The following TST variants were observed in gnomAD, a reference collection of about 807,000 sequenced individuals.
TST encodes epididymis secretory sperm binding protein.
TST carries 22 observed loss-of-function variants against 20.4 expected under a neutral mutation model. The ratio of observed to expected loss-of-function variants is 1.08; its 90% confidence interval spans 0.77 to 1.54. The LOEUF is 1.54. Ranked by LOEUF, TST falls within the 40% of genes most tolerant of loss-of-function variation. TST has a pLI of 0.00. For missense variants in TST, 392 were observed against 405.2 expected (o/e 0.97, Z 0.28); for synonymous variants, 187 against 173.8 (o/e 1.08, Z -0.60).
At position 37,018,132 on chromosome 22, in the gene TST, A is replaced by T. The variant is rs2145901265; in HGVS notation, c.595+6T>A. 7 of 1,536,944 alleles carry T rather than the reference A, an allele frequency of 4.6e-6. No homozygotes were observed. The East Asian group carries it at 1.6e-4, about 35-fold the overall frequency. The stretch of plus-strand genomic sequence containing the variant: ...CCCAGGGACCACCCAGCACTGGGAC[A>T]CCTACCTACTGCATCCGGCTCCGGC... On this transcript the variant is annotated splice_donor_region_variant and intron_variant, in intron 2 of 2. Transcript: ENST00000249042.
rs1416725781 is a variant in TST at position 37,018,142 on chromosome 22, T to A, written c.591A>T (p.Ala197=). The A allele has an allele frequency of 6.5e-7, 1 of 1,548,714 alleles. No individual in the cohort carries two copies. Among genetic ancestry groups the A allele is most frequent in the African/African-American group, 1.4e-5 (1 of 73,300 alleles). Residue 197 remains alanine, a synonymous_variant, in exon 2 of 3, where the codon GCA becomes GCT. Transcript: ENST00000249042. ...ACCCAGCACTGGGACACCTACCTAC[T>A]GCATCCGGCTCCGGCTCGGTGCCCA... The part of the protein sequence containing the change: ...RFLGTEPEPD[A]VGLDSGHIRG...
At chr22:37,018,959 C>T in intron 1 of TST, 1 of 448,352 alleles carries the variant, frequency 2.2e-6, no homozygotes, top group East Asian at 3.3e-5. Context: ...CCAGCCGGCC[C>T]GGGGGCCCAG....
At chr22:37,011,825 T>A (rs1922490123) in intron 2 of TST, among the ~76,000 whole-genome samples, 1 of 152,168 alleles carries the variant, frequency 6.6e-6, no homozygotes, top group Non-Finnish European at 1.5e-5. Context: ...GCTAAACAGA[T>A]AACCACATAA....
chr22:37,018,434 T>C lies in TST; in HGVS notation c.299A>G (p.Asp100Gly), dbSNP rs1332597939. ...ATAGAAGCTGCCCAGGTGTTCACCA[T>C]CATACACCACCACGTGCGTGTGGTT... is the stretch of plus-strand genomic sequence containing the variant. ...ISNHTHVVVY[D>G]GEHLGSFYAP... Residue 100 changes from aspartate (D) to glycine (G), a missense_variant, in exon 2 of 3, where the codon GAT becomes GGT. Coordinates refer to ENST00000249042, the MANE Select transcript of TST (RefSeq NM_003312.6). 2.5e-6 allele frequency: 4 copies of C among 1,613,098 alleles called. No homozygotes were observed. Among genetic ancestry groups the C allele is most frequent in the East Asian group, 4.5e-5 (2 of 44,876 alleles).
At chr22:37,018,009 A>G (rs527357031) in intron 2 of TST, 129 bp downstream of exon 2, 4 of 687,466 alleles carry the variant, frequency 5.8e-6, no homozygotes, top group Admixed American at 3.6e-5. Context: ...TTATCGATGG[A>G]AAGACTGAGG....
intron 1 of TST, chr22:37,019,162 C>G (rs1186895457): frequency 6.2e-6 from 1 of 161,438 alleles, no homozygotes; most frequent in Non-Finnish European, 1.3e-5. Context: ...GGTGGGCGCA[C>G]GGCTAGGAAG....
chr22:37,019,837 A>G, upstream of TST: 3 of 1,214,178 alleles, frequency 2.5e-6, no homozygotes, highest in Non-Finnish European at 3.1e-6. Context: ...CGCGGGGGCC[A>G]TGGCGGAGCC....
chr22:37,018,855 C>T (rs79677940), intron 1 of TST, 102 bp from the exon 2 acceptor site: 1 of 802,708 alleles, frequency 1.2e-6, no homozygotes, highest in Admixed American at 3.5e-5. Flanking sequence ...CCTCCGCACT[C>T]CCCCGGGTTC....
At chr22:37,014,148 G>A (rs112533903) in intron 2 of TST, among the ~76,000 whole-genome samples, 2,996 of 152,248 alleles carry the variant, frequency 0.02, 39 homozygotes, top group Non-Finnish European at 0.029. Flanking sequence ...GGATCACGAG[G>A]TCAGGAGATC....
intron 2 of TST, 97 bp downstream of exon 2, chr22:37,018,041 C>A (rs1922752934): frequency 1.1e-6 from 1 of 919,554 alleles, no homozygotes; most frequent in South Asian, 1.9e-5. Context: ...GGATTGAAGG[C>A]ATGGGACGGA....
upstream of TST, chr22:37,019,923 T>C: frequency 1.1e-6 from 1 of 945,120 alleles, no homozygotes. Context: ...AGGGAGTGGC[T>C]CTTTGGGGGT....
chr22:37,013,168 C>A (rs915252308), intron 2 of TST: 1 of 152,194 alleles, frequency 6.6e-6, no homozygotes, highest in Non-Finnish European at 1.5e-5. Flanking sequence ...CCAGCTATGT[C>A]CTGGTCCTTT....
At chr22:37,018,046 G>T in intron 2 of TST, 92 bp downstream of exon 2, 1 of 979,008 alleles carries the variant, frequency 1.0e-6, no homozygotes, top group Non-Finnish European at 1.5e-6. Flanking sequence ...GAAGGCATGG[G>T]ACGGACCCTG....
chr22:37,011,103 T>C lies in TST; in HGVS notation c.818A>G (p.Asp273Gly), dbSNP rs762670281. ...LCGKPDVAVYDGSWSEWFRRA... is the reference protein window; with the variant it reads ...LCGKPDVAVYGGSWSEWFRRA... ...GCGAAACCACTCGGACCAGGAGCCA[T>C]CGTACACGGCCACATCAGGCTTGCC... The change falls in exon 3 of 3, where the codon GAT becomes GGT. Residue 273 changes from aspartate to glycine, a missense_variant. Transcript: ENST00000249042. 2 of 1,613,340 alleles carry C rather than the reference T, an allele frequency of 1.2e-6. No homozygotes were observed. Among genetic ancestry groups the C allele is most frequent in the South Asian group, 2.2e-5 (2 of 91,056 alleles).
At position 37,015,279 on chromosome 22, in the gene TST, A is replaced by G. The variant is rs571709353; in HGVS notation, c.595+2859T>C. On this transcript the variant is annotated intron_variant, in intron 2 of 2. Coordinates refer to ENST00000249042, the MANE Select transcript of TST (RefSeq NM_003312.6). Reference sequence around the variant, plus strand: ...ACTATATAAAAAGCGTTCTGTAAATAAAAGTGCTCATTAGCGGGTCGATAC... The same window carrying G: ...ACTATATAAAAAGCGTTCTGTAAATGAAAGTGCTCATTAGCGGGTCGATAC... 5.9e-5 allele frequency among the ~76,000 whole-genome samples: 9 copies of G among 152,280 alleles called. No individual in the cohort carries two copies. The South Asian group carries it at 1.9e-3, about 32-fold the overall frequency.
At chr22:37,019,752 C>A (rs1601451784), upstream of TST, 3 of 581,038 alleles carry the variant, frequency 5.2e-6, no homozygotes, top group South Asian at 8.7e-5. Flanking sequence ...GTGCCGGAGT[C>A]TCCTCCCTTT....
At position 37,018,770 on chromosome 22, in the gene TST, C is replaced by T. The variant is rs968152805; in HGVS notation, c.-21-17G>A. On this transcript the variant is annotated splice_polypyrimidine_tract_variant and intron_variant, in intron 1 of 2. Coordinates refer to ENST00000249042, the MANE Select transcript of TST (RefSeq NM_003312.6). ...GCGTGTCACCTGGCACGGGTGGGAA[C>T]CAGGAAAGAGAGACAGGCGTGAGGA... is the stretch of plus-strand genomic sequence containing the variant. 1.3e-5 allele frequency: 18 copies of T among 1,439,342 alleles called. No individual in the cohort carries two copies. The Admixed American group carries it at 2.2e-4, about 18-fold the overall frequency. 89.2% of individuals were successfully genotyped at this position (1,439,342 alleles called of 1,614,324 possible).
At chr22:37,015,216 G>GCCTC (rs1332454445) in intron 2 of TST, among the ~76,000 whole-genome samples, 1 of 152,182 alleles carries the variant, frequency 6.6e-6, no homozygotes, top group African/African-American at 2.4e-5. Flanking sequence ...ACCCCTGCCT[G>GCCTC]CCTCCCCTTG....
Position 37,011,157 on chromosome 22 carries a change from C to A in TST, c.764G>T (p.Cys255Phe). Reference protein sequence around the residue: ...IATCRKGVTACHVALAAYLCG... With the variant: ...IATCRKGVTAFHVALAAYLCG... ...GAGGTAGGCAGCCAAGGCCACGTGG[C>A]AGGCGGTGACTCCCTTGCGGCACGT... Residue 255 changes from cysteine (C) to phenylalanine (F), a missense_variant, in exon 3 of 3, where the codon TGC (cysteine) becomes TTC (phenylalanine). Transcript: ENST00000249042. 1 of 1,613,776 alleles carries A rather than the reference C, an allele frequency of 6.2e-7. No homozygotes were observed. The highest frequency in any genetic ancestry group is 8.5e-7 in the Non-Finnish European group (1 of 1,180,034).
Sources: allele counts gnomAD v4.1 joint callset (sites outside exome capture counted in the v4.1 genomes callset), GRCh38; gene constraint gnomAD v4.1.1; transcripts MANE v1.5; gene names NCBI Gene and HGNC (gene_info 2026-07-23, HGNC 2026-07-21).